The following ZSWIM3 variants were observed in gnomAD, a reference collection of about 807,000 sequenced individuals.
The protein encoded by ZSWIM3 is zinc finger SWIM-type containing 3, also known as zinc finger SWIM domain-containing protein 3.
In ZSWIM3, 27 loss-of-function variants were observed where a neutral mutation model predicts 47.5. The observed-to-expected ratio is 0.57, with a 90% CI of 0.42 to 0.78. ZSWIM3 has a LOEUF of 0.78. Among genes scored for constraint, ZSWIM3 ranks in the 30% least tolerant of loss-of-function variants. ZSWIM3 has a pLI of 0.00. For missense variants in ZSWIM3, 689 were observed against 861.3 expected (o/e 0.80, Z 2.50); for synonymous variants, 333 against 333.9 (o/e 1.00, Z 0.03).
In ZSWIM3 at chr20:45,878,120, C is replaced by T. The variant is rs763845440; in HGVS notation, c.1562C>T (p.Thr521Ile). ...HNEWEVVQNS[T>I]HLVDMAGSSV... ...GAGTGGGAGGTGGTACAGAACTCCA[C>T]CCACCTGGTGGACATGGCTGGCTCT... The change falls in exon 2 of 2, where the codon ACC (threonine) becomes ATC (isoleucine). Residue 521 changes from threonine to isoleucine, a missense_variant. Thr to Ile is a moderately conservative substitution (Grantham distance 89, BLOSUM62 -1). Transcript: ENST00000255152. 5.0e-6 allele frequency: 8 copies of T among 1,614,216 alleles called. No individual in the cohort carries two copies. The highest frequency in any genetic ancestry group is 1.1e-5 in the South Asian group (1 of 91,082).
At position 45,877,307 on chromosome 20, in the gene ZSWIM3, AC is replaced by A; in HGVS notation, c.750del (p.Phe251LeufsTer16). On this transcript the variant is annotated frameshift_variant, in exon 2 of 2. Coordinates refer to ENST00000255152, the MANE Select transcript of ZSWIM3 (RefSeq NM_080752.4). LOFTEE classifies it high-confidence loss of function. ...AAGGAACGAGAAAGTCGAGTGGTGC[AC>A]TTTGCTGTGCTCAAGGCGGAGACAG... ...ENKERESRVV[H>X]FAVLKAETVT... 1 of 1,614,150 alleles carries A rather than the reference AC, an allele frequency of 6.2e-7. No individual in the cohort carries two copies. The highest frequency in any genetic ancestry group is 2.2e-5 in the East Asian group (1 of 44,882).
At chr20:45,864,867 A>T (rs1316866091) in intron 1 of ZSWIM3, among the ~76,000 whole-genome samples, 1 of 151,428 alleles carries the variant, frequency 6.6e-6, no homozygotes, top group South Asian at 2.1e-4. Context: ...TCTCAAAAAA[A>T]TTTTTGAAAA....
In ZSWIM3 at chr20:45,878,279, C is replaced by T. The variant is rs761477278; in HGVS notation, c.1721C>T (p.Pro574Leu). 1.2e-5 allele frequency: 19 copies of T among 1,614,102 alleles called. No homozygotes were observed. The highest frequency in any genetic ancestry group is 2.7e-5 in the African/African-American group (2 of 74,934). ...GCTCTGCTGCACACCAGCCAGCAGC[C>T]GGTTGGTGAAGCCATGGTGTGCCGC... ...ILALLHTSQQ[P>L]VGEAMVCRRW... Residue 574 changes from proline to leucine, a missense_variant, in exon 2 of 2, where the codon CCG becomes CTG. Coordinates refer to ENST00000255152, the MANE Select transcript of ZSWIM3 (RefSeq NM_080752.4).
chr20:45,858,086 G>A (rs1311725029), intron 1 of ZSWIM3, 106 bp downstream of exon 1: 22 of 1,254,476 alleles, frequency 1.8e-5, no homozygotes, highest in Non-Finnish European at 2.4e-5. Context: ...TGGGCTGCGT[G>A]GCCATTCATT....
intron 1 of ZSWIM3, among the ~76,000 whole-genome samples, chr20:45,869,391 C>T (rs1400441562): frequency 2.0e-5 from 3 of 151,614 alleles, no homozygotes; most frequent in African/African-American, 7.3e-5. Flanking sequence ...TGATGGTGGG[C>T]GCCTGTAATC....
intron 1 of ZSWIM3, among the ~76,000 whole-genome samples, chr20:45,860,310 T>G (rs1985673812): frequency 6.6e-6 from 1 of 151,826 alleles, no homozygotes; most frequent in Non-Finnish European, 1.5e-5. Context: ...AGGTCAGCAG[T>G]TCAAGACCAT....
intron 1 of ZSWIM3, among the ~76,000 whole-genome samples, chr20:45,866,826 G>T: frequency 6.6e-6 from 1 of 151,630 alleles, no homozygotes; most frequent in East Asian, 1.9e-4. Flanking sequence ...GAAAAGGAAA[G>T]GAAAATGCTC....
intron 1 of ZSWIM3, 69 bp from the exon 2 acceptor site, chr20:45,876,645 A>G (rs1986098371): frequency 6.5e-7 from 1 of 1,540,620 alleles, no homozygotes; most frequent in South Asian, 1.3e-5. Flanking sequence ...AGCCCCCTTC[A>G]GGGTCTTATC....
Position 45,878,963 on chromosome 20 carries a change from A to C in ZSWIM3, c.*314A>C. On this transcript the variant is annotated 3_prime_UTR_variant, in exon 2 of 2. Transcript: ENST00000255152. ...GATCTTATTTGCTCTGCAAAGATGA[A>C]TCCCTGCCTCAGGTTAGGGTGAGAC... The C allele has an allele frequency of 3.6e-6, 1 of 276,186 alleles. No individual in the cohort carries two copies. Among genetic ancestry groups the C allele is most frequent in the East Asian group, 7.2e-5 (1 of 13,866 alleles). 17.1% of individuals were successfully genotyped at this position (276,186 alleles called of 1,614,324 possible).
chr20:45,861,762 G>A (rs1168375062), intron 1 of ZSWIM3, among the ~76,000 whole-genome samples: 3 of 150,982 alleles, frequency 2.0e-5, no homozygotes, highest in East Asian at 1.9e-4. Context: ...TCAATTTTTT[G>A]TGTAGAGACA....
intron 1 of ZSWIM3, among the ~76,000 whole-genome samples, chr20:45,870,785 C>T (rs544420446): frequency 6.6e-6 from 1 of 152,118 alleles, no homozygotes; most frequent in East Asian, 1.9e-4. Context: ...CCTCTGCCTC[C>T]TGGGTTCAAG....
At chr20:45,869,663 A>G (rs1985922836) in intron 1 of ZSWIM3, among the ~76,000 whole-genome samples, 2 of 152,170 alleles carry the variant, frequency 1.3e-5, no homozygotes, top group Admixed American at 1.3e-4. Flanking sequence ...TGGACTCTGC[A>G]TTTTTCCACT....
chr20:45,870,677 T>C (rs1461708821), intron 1 of ZSWIM3, among the ~76,000 whole-genome samples: 1 of 151,998 alleles, frequency 6.6e-6, no homozygotes, highest in African/African-American at 2.4e-5. Context: ...GTCACATAGC[T>C]AAGTGGAATT....
In ZSWIM3 at chr20:45,877,264, G is replaced by C; in HGVS notation, c.706G>C (p.Ala236Pro). ...GAACACCCAGGGCCACATCCTCTATGCTTTCTTGGTGGAGAACAAGGAACG... is the reference window on the plus strand; with the variant it reads ...GAACACCCAGGGCCACATCCTCTATCCTTTCTTGGTGGAGAACAAGGAACG... ...VENTQGHILY[A>P]FLVENKERES... Residue 236 changes from alanine (A) to proline (P), a missense_variant, in exon 2 of 2, where the codon GCT (alanine) becomes CCT (proline). Transcript: ENST00000255152. The C allele has an allele frequency of 6.2e-7, 1 of 1,614,110 alleles. No homozygotes were observed. The highest frequency in any genetic ancestry group is 8.5e-7 in the Non-Finnish European group (1 of 1,180,012).
chr20:45,865,553 T>C (rs980527472), intron 1 of ZSWIM3, among the ~76,000 whole-genome samples: 3 of 146,802 alleles, frequency 2.0e-5, no homozygotes, highest in Non-Finnish European at 4.5e-5. Flanking sequence ...TAAAGGTGAT[T>C]GGCAATTCTT....
chr20:45,862,141 TTTTTTTTGG>T (rs1985723215), intron 1 of ZSWIM3, among the ~76,000 whole-genome samples: 1 of 149,196 alleles, frequency 6.7e-6, no homozygotes, highest in African/African-American at 2.5e-5. Flanking sequence ...TAGCTTTTGG[TTTTTTTTGG>T]TTTTTTTTTT....
At chr20:45,858,377 C>A (rs1292728639) in intron 1 of ZSWIM3, among the ~76,000 whole-genome samples, 1 of 152,178 alleles carries the variant, frequency 6.6e-6, no homozygotes, top group Non-Finnish European at 1.5e-5. Context: ...TTCATTCATT[C>A]AGTTTTTAGT....
Position 45,877,662 on chromosome 20 carries a change from C to T in ZSWIM3, c.1104C>T (p.Ala368=), listed in dbSNP as rs1307705089. 1 of 1,614,108 alleles carries T rather than the reference C, an allele frequency of 6.2e-7. No individual in the cohort carries two copies. The highest frequency in any genetic ancestry group is 1.1e-5 in the South Asian group (1 of 91,092). Residue 368 remains alanine (A), a synonymous_variant, in exon 2 of 2, where the codon GCC becomes GCT. Transcript: ENST00000255152. ...AGGATCTCTTCAACTTCCTGCAGGC[C>T]CACTGGTTCACCTGTGAACTGCTGT... ...LDEDLFNFLQ[A]HWFTCELLWY...
intron 1 of ZSWIM3, among the ~76,000 whole-genome samples, chr20:45,868,126 T>G (rs865972459): frequency 1.4e-4 from 21 of 152,290 alleles, no homozygotes; most frequent in South Asian, 1.2e-3. Flanking sequence ...AGCATCAAGG[T>G]AATGCAAATG....
Sources: allele counts gnomAD v4.1 joint callset (sites outside exome capture counted in the v4.1 genomes callset), GRCh38; gene constraint gnomAD v4.1.1; transcripts MANE v1.5; gene names NCBI Gene and HGNC (gene_info 2026-07-23, HGNC 2026-07-21).